SPMIP11: variants seen among roughly 807,000 people sequenced by gnomAD.
The protein encoded by SPMIP11 is sperm microtubule inner protein 11.
chr12:48,770,377 T>C, the SPMIP11 span, among the ~76,000 whole-genome samples: 2 of 152,128 alleles, frequency 1.3e-5, no homozygotes, highest in African/African-American at 2.4e-5. Context: ...ACCACTCCCA[T>C]CCACCAGTTC....
chr12:48,767,700 A>C, the SPMIP11 span: 1 of 152,358 alleles, frequency 6.6e-6, no homozygotes, highest in South Asian at 2.1e-4. Flanking sequence ...AGACAGCAAG[A>C]GAGCACTGGG....
chr12:48,754,520 G>A, the SPMIP11 span, among the ~76,000 whole-genome samples: 378 of 147,792 alleles, frequency 2.6e-3, 1 homozygote, highest in Non-Finnish European at 4.5e-3. Flanking sequence ...GTGTGATCTC[G>A]GCTCACTGCA....
chr12:48,762,939 G>A, the SPMIP11 span, among the ~76,000 whole-genome samples: 1 of 151,830 alleles, frequency 6.6e-6, no homozygotes, highest in Non-Finnish European at 1.5e-5. Context: ...GTCTTGCTAT[G>A]TTGCCCAGGC....
the SPMIP11 span, among the ~76,000 whole-genome samples, chr12:48,761,688 A>G: frequency 6.8e-6 from 1 of 147,384 alleles, no homozygotes; most frequent in South Asian, 2.2e-4. Context: ...AATAAACATC[A>G]CATAGCGTAT....
the SPMIP11 span, chr12:48,769,041 C>T: frequency 6.2e-7 from 1 of 1,612,872 alleles, no homozygotes; most frequent in Non-Finnish European, 8.5e-7. Flanking sequence ...ACACCTGCCA[C>T]GACTGGGCCC....
chr12:48,756,781 T>TC, the SPMIP11 span, among the ~76,000 whole-genome samples: 1 of 147,366 alleles, frequency 6.8e-6, no homozygotes, highest in African/African-American at 2.5e-5. Context: ...CTTTTTTTCT[T>TC]TTTTTTTTTT....
the SPMIP11 span, among the ~76,000 whole-genome samples, chr12:48,727,729 C>A: frequency 1.3e-5 from 2 of 152,332 alleles, no homozygotes; most frequent in Non-Finnish European, 2.9e-5. Flanking sequence ...TTCAGCTTTG[C>A]TCTCCTGTCA....
At chr12:48,768,880 C>A in the SPMIP11 span, 1 of 1,568,568 alleles carries the variant, frequency 6.4e-7, no homozygotes, top group Non-Finnish European at 8.7e-7. Flanking sequence ...TGCAGAGACA[C>A]CTGTGGAAGC....
chr12:48,763,355 G>A, the SPMIP11 span, among the ~76,000 whole-genome samples: 2,716 of 151,986 alleles, frequency 0.018, 79 homozygotes, highest in African/African-American at 0.061. Context: ...TGTATTTTTT[G>A]TAGAAATGGG....
chr12:48,768,863 AGCAGACT>A, the SPMIP11 span: 1 of 1,555,986 alleles, frequency 6.4e-7, no homozygotes, highest in South Asian at 1.2e-5. Flanking sequence ...CCCCTGTCCT[AGCAGACT>A]GCAGAGACAC....
At chr12:48,737,352 A>AT in the SPMIP11 span, among the ~76,000 whole-genome samples, 1 of 151,656 alleles carries the variant, frequency 6.6e-6, no homozygotes, top group Non-Finnish European at 1.5e-5. Flanking sequence ...TGAACACTCC[A>AT]TGAGCTCTTT....
At chr12:48,750,485 T>C in the SPMIP11 span, among the ~76,000 whole-genome samples, 2 of 152,226 alleles carry the variant, frequency 1.3e-5, no homozygotes, top group Non-Finnish European at 2.9e-5. Flanking sequence ...AGAGCTCAGA[T>C]GGTTCTGAAT....
At chr12:48,768,542 A>G in the SPMIP11 span, 2 of 1,613,640 alleles carry the variant, frequency 1.2e-6, no homozygotes, top group African/African-American at 1.3e-5. Context: ...CACAGAGTCC[A>G]CTCAATGCCC....
chr12:48,771,059 C>T, the SPMIP11 span: 15 of 1,312,586 alleles, frequency 1.1e-5, no homozygotes, highest in African/African-American at 2.9e-5. The surrounding 1 kb of genome is among the most constrained non-coding windows in gnomAD (Gnocchi z 4.3). Context: ...GCCTTGGCTG[C>T]CTTCCCCACT....
the SPMIP11 span, among the ~76,000 whole-genome samples, chr12:48,757,463 T>G: frequency 1.3e-5 from 2 of 150,840 alleles, no homozygotes; most frequent in African/African-American, 4.9e-5. Flanking sequence ...CTGGCCAATA[T>G]GGTGAAATCC....
chr12:48,728,564 C>T, the SPMIP11 span, among the ~76,000 whole-genome samples: 1 of 151,840 alleles, frequency 6.6e-6, no homozygotes, highest in Non-Finnish European at 1.5e-5. Flanking sequence ...AACAATTAGC[C>T]GAGCGTGATG....
chr12:48,742,193 C>T, the SPMIP11 span, among the ~76,000 whole-genome samples: 1 of 152,084 alleles, frequency 6.6e-6, no homozygotes, highest in Non-Finnish European at 1.5e-5. Context: ...CAGGCATAAG[C>T]CACCTCACCT....
chr12:48,756,262 T>C, the SPMIP11 span, among the ~76,000 whole-genome samples: 2 of 152,106 alleles, frequency 1.3e-5, no homozygotes, highest in East Asian at 1.9e-4. Flanking sequence ...TCAATAATAT[T>C]GCTTCCAGGA....
the SPMIP11 span, among the ~76,000 whole-genome samples, chr12:48,753,274 A>G: frequency 6.6e-6 from 1 of 152,112 alleles, no homozygotes; most frequent in African/African-American, 2.4e-5. Flanking sequence ...CTCTCCAGTG[A>G]CTACCCTCTA....
Sources: gnomAD v4.1 joint callset for allele counts (sites outside exome capture counted in the v4.1 genomes callset) on GRCh38, gnomAD v4.1.1 for gene constraint, Gnocchi (gnomAD v3.1) non-coding constraint, MANE v1.5 for transcripts, NCBI Gene and HGNC (gene_info 2026-07-23, HGNC 2026-07-21) for gene names.